Variants in INPP4B observed in about 807,000 individuals in gnomAD.
The protein encoded by INPP4B is inositol polyphosphate-4-phosphatase type II B.
Under a neutral mutation model 122.5 loss-of-function variants are expected in INPP4B, and 55 were observed. That is an observed-to-expected ratio of 0.45 (90% CI 0.36 to 0.56). The LOEUF is 0.56. Among genes scored for constraint, INPP4B ranks in the 20% least tolerant of loss-of-function variants. The pLI, the probability that INPP4B is intolerant of heterozygous loss-of-function variation, is 0.00. For synonymous variants in INPP4B, 403 were observed against 388.7 expected, an observed-to-expected ratio of 1.04 and a Z score of -0.43; for missense variants, 1,000 against 1,097.7, an observed-to-expected ratio of 0.91 and a Z score of 1.26.
intron 7 of INPP4B, among the ~76,000 whole-genome samples, chr4:142,361,248 C>A (rs1465759265): frequency 1.3e-5 from 2 of 151,880 alleles, no homozygotes; most frequent in African/African-American, 4.8e-5. Flanking sequence ...TCAGTAGATT[C>A]CTAAGTTAGA....
chr4:142,086,097 C>T (rs2152545032), intron 24 of INPP4B, 47 bp downstream of exon 24: 1 of 1,232,860 alleles, frequency 8.1e-7, no homozygotes, highest in Non-Finnish European at 1.2e-6. Context: ...ATAATATTTG[C>T]TGGTTATGAC....
At chr4:142,780,975 G>T (rs1774715635) in intron 1 of INPP4B, among the ~76,000 whole-genome samples, 1 of 152,106 alleles carries the variant, frequency 6.6e-6, no homozygotes. Flanking sequence ...TTTATCTCAA[G>T]ACCTTAGACG....
intron 25 of INPP4B, among the ~76,000 whole-genome samples, chr4:142,057,682 C>G (rs1758411747): frequency 6.6e-6 from 1 of 152,116 alleles, no homozygotes; most frequent in Non-Finnish European, 1.5e-5. Context: ...TGGTACTATT[C>G]TATTTTCTTG....
In INPP4B at chr4:142,384,852, A is replaced by G. The variant is rs117690620; in HGVS notation, c.372+18086T>C. Among the ~76,000 whole-genome samples the G allele has an allele frequency of 2.3e-4, 35 of 152,090 alleles. No individual in the cohort carries two copies. The East Asian group carries it at 6.2e-3, about 27-fold the overall frequency. On this transcript the variant is annotated intron_variant, in intron 7 of 25. Coordinates refer to ENST00000262992, the MANE Select transcript of INPP4B (RefSeq NM_001101669.3). ...CTCCTCCCACCCTCAACCATGTGGTATTTGGTTTTCTGTTCCTGTGTTAGT... is the reference window on the plus strand; with the variant it reads ...CTCCTCCCACCCTCAACCATGTGGTGTTTGGTTTTCTGTTCCTGTGTTAGT...
At chr4:142,549,520 C>A (rs1034385405) in intron 2 of INPP4B, among the ~76,000 whole-genome samples, 1 of 152,138 alleles carries the variant, frequency 6.6e-6, no homozygotes, top group Non-Finnish European at 1.5e-5. Context: ...GTATGAGTTG[C>A]TGGAAGGAGC....
At chr4:142,269,031 T>C (rs1744431774) in intron 10 of INPP4B, among the ~76,000 whole-genome samples, 1 of 152,148 alleles carries the variant, frequency 6.6e-6, no homozygotes, top group South Asian at 2.1e-4. Flanking sequence ...AGAGTTTTGT[T>C]GAATCTCACC....
chr4:142,066,018 C>G (rs917059118), intron 25 of INPP4B, among the ~76,000 whole-genome samples: 2 of 151,962 alleles, frequency 1.3e-5, no homozygotes, highest in African/African-American at 2.4e-5. Flanking sequence ...GCATTCCTTT[C>G]CCCCAAGAGT....
intron 2 of INPP4B, among the ~76,000 whole-genome samples, chr4:142,474,979 T>C (rs969587793): frequency 1.3e-5 from 2 of 152,208 alleles, no homozygotes; most frequent in Admixed American, 6.5e-5. Context: ...TGCTAGAGTT[T>C]CTAGACCAGC....
chr4:142,135,037 T>C (rs991689175), intron 18 of INPP4B, among the ~76,000 whole-genome samples: 22 of 152,152 alleles, frequency 1.4e-4, no homozygotes, highest in Non-Finnish European at 4.4e-5. Context: ...ACTGAAATAA[T>C]TGTCTAATGT....
At chr4:142,170,842 G>A (rs1332938583) in intron 16 of INPP4B, among the ~76,000 whole-genome samples, 6 of 151,580 alleles carry the variant, frequency 4.0e-5, no homozygotes, top group Non-Finnish European at 8.9e-5. Flanking sequence ...ATGAATTCAG[G>A]AATTATTTTT....
intron 11 of INPP4B, among the ~76,000 whole-genome samples, chr4:142,238,588 T>C (rs1347191227): frequency 6.6e-6 from 1 of 152,080 alleles, no homozygotes; most frequent in Non-Finnish European, 1.5e-5. Context: ...TTAAAATCTG[T>C]AAAAATTCAA....
At chr4:142,244,511 G>T (rs1356433334) in intron 11 of INPP4B, among the ~76,000 whole-genome samples, 3 of 151,716 alleles carry the variant, frequency 2.0e-5, no homozygotes, top group Admixed American at 2.0e-4. Flanking sequence ...CACTGTGTTA[G>T]CCAGGATGGT....
intron 2 of INPP4B, among the ~76,000 whole-genome samples, chr4:142,512,015 T>C (rs1489946984): frequency 6.6e-6 from 1 of 152,210 alleles, no homozygotes; most frequent in East Asian, 1.9e-4. Context: ...TAGCCATTTA[T>C]AAGACACTAA....
intron 2 of INPP4B, among the ~76,000 whole-genome samples, chr4:142,463,370 C>T (rs1342039714): frequency 9.2e-5 from 14 of 152,198 alleles, no homozygotes; most frequent in Non-Finnish European, 1.6e-4. Flanking sequence ...AAAGCTTGGC[C>T]GAGTTTCCCT....
intron 2 of INPP4B, among the ~76,000 whole-genome samples, chr4:142,555,434 T>C (rs775491516): frequency 6.6e-6 from 1 of 152,184 alleles, no homozygotes; most frequent in African/African-American, 2.4e-5. Context: ...GGAGAATCTA[T>C]AAGATTTGGC....
intron 9 of INPP4B, 116 bp from the exon 10 acceptor site, chr4:142,270,890 C>T: frequency 2.9e-6 from 2 of 695,132 alleles, no homozygotes; most frequent in Non-Finnish European, 5.2e-6. Flanking sequence ...AATAAGACAA[C>T]ATCTGCATAA....
chr4:142,411,979 T>G (rs560919493), intron 5 of INPP4B, among the ~76,000 whole-genome samples: 1 of 152,294 alleles, frequency 6.6e-6, no homozygotes, highest in South Asian at 2.1e-4. Flanking sequence ...TCTCACATCA[T>G]TTCCCTAAGG....
chr4:142,237,826 A>C (rs28647625), intron 12 of INPP4B, 38 bp downstream of exon 12: 128,767 of 1,277,012 alleles, frequency 0.1, 7,009 homozygotes, highest in Middle Eastern at 0.16. Flanking sequence ...AATGGTATAA[A>C]ATAATTAATA....
intron 2 of INPP4B, among the ~76,000 whole-genome samples, chr4:142,606,692 C>T (rs1478774267): frequency 1.3e-5 from 2 of 151,988 alleles, no homozygotes; most frequent in Non-Finnish European, 2.9e-5. Flanking sequence ...ACACTCTGGC[C>T]TTGAAAGTGC....
Sources: gnomAD v4.1 joint callset for allele counts (sites outside exome capture counted in the v4.1 genomes callset) on GRCh38, gnomAD v4.1.1 for gene constraint, MANE v1.5 for transcripts, NCBI Gene and HGNC (gene_info 2026-07-23, HGNC 2026-07-21) for gene names.